CEP83: variants seen among roughly 807,000 people sequenced by gnomAD.
CEP83 encodes centrosomal protein 83, also known as centrosomal protein of 83 kDa.
In CEP83, 70 loss-of-function variants were observed where a neutral mutation model predicts 101.9. The observed-to-expected ratio is 0.69, with a 90% CI of 0.57 to 0.84. CEP83 has a LOEUF of 0.84. Among genes scored for constraint, CEP83 ranks in the 40% least tolerant of loss-of-function variants. The probability of loss-of-function intolerance (pLI) is 0.00; values close to 1 mark genes in which losing one functional copy is unlikely to be tolerated. For synonymous variants in CEP83, 264 were observed against 267.9 expected, an observed-to-expected ratio of 0.99 and a Z score of 0.14; for missense variants, 715 against 787.2, an observed-to-expected ratio of 0.91 and a Z score of 1.10.
intron 4 of CEP83, among the ~76,000 whole-genome samples, chr12:94,406,281 C>T (rs1056163011): frequency 3.9e-5 from 6 of 151,988 alleles, no homozygotes; most frequent in Admixed American, 3.9e-4. Flanking sequence ...GCTGAGATCA[C>T]TCCATTGCAC....
the CEP83 span, among the ~76,000 whole-genome samples, chr12:94,297,972 CTTT>C: frequency 6.6e-6 from 1 of 151,988 alleles, no homozygotes; most frequent in African/African-American, 2.4e-5. Context: ...CTGTGGTGAT[CTTT>C]TTTTTCCTCC....
At chr12:94,340,621 G>T (rs1290420401) in intron 11 of CEP83, among the ~76,000 whole-genome samples, 1 of 152,136 alleles carries the variant, frequency 6.6e-6, no homozygotes, top group Admixed American at 6.5e-5. Flanking sequence ...ATTTTCAGTA[G>T]AGATGGGGTT....
At chr12:94,283,556 G>A in the CEP83 span, among the ~76,000 whole-genome samples, 37 of 152,192 alleles carry the variant, frequency 2.4e-4, no homozygotes, top group African/African-American at 8.7e-4. Context: ...ACGGGAGACG[G>A]GAGTTTTATT....
intron 6 of CEP83, among the ~76,000 whole-genome samples, chr12:94,394,016 G>A (rs1359190269): frequency 6.6e-6 from 1 of 152,164 alleles, no homozygotes; most frequent in Non-Finnish European, 1.5e-5. Flanking sequence ...TTATGGATAG[G>A]AAGAATCAAT....
intron 6 of CEP83, among the ~76,000 whole-genome samples, chr12:94,388,817 GTGA>G (rs1325373701): frequency 6.6e-6 from 1 of 152,088 alleles, no homozygotes; most frequent in Non-Finnish European, 1.5e-5. Flanking sequence ...CAAGAGTATA[GTGA>G]TTTTGCTAAA....
At position 94,309,161 on chromosome 12, in the gene CEP83, A is replaced by T. The variant is rs61927167; in HGVS notation, c.2002-244T>A. Among the ~76,000 whole-genome samples, 9,308 of 152,250 alleles carry T rather than the reference A, an allele frequency of 0.061. 333 individuals carry two copies. Among genetic ancestry groups the T allele is most frequent in the South Asian group, 0.077 (370 of 4,834 alleles). On this transcript the variant is annotated intron_variant, in intron 16 of 16. Coordinates refer to ENST00000397809, the MANE Select transcript of CEP83 (RefSeq NM_016122.3). The stretch of plus-strand genomic sequence containing the variant: ...TCTCTAGGTATAAAATTCACCAGGG[A>T]GTGAATTAGAAAATACTAATGCAGG...
intron 2 of CEP83, among the ~76,000 whole-genome samples, chr12:94,422,851 T>C (rs1034596401): frequency 6.6e-6 from 1 of 152,254 alleles, no homozygotes; most frequent in East Asian, 1.9e-4. Flanking sequence ...TTATCCATTC[T>C]CCTGCTGATG....
At position 94,437,360 on chromosome 12, in the gene CEP83, CACAA is replaced by C. The variant is rs564929374; in HGVS notation, c.-154-2037_-154-2034del. Among the ~76,000 whole-genome samples the C allele has an allele frequency of 5.3e-3, 809 of 152,106 alleles. 4 individuals carry two copies. The highest frequency in any genetic ancestry group is 0.01 in the Middle Eastern group (3 of 294). The stretch of plus-strand genomic sequence containing the variant: ...ACTTGGTCTAAAACACATACACACA[CACAA>C]ACAAATACAAGAAGCTCAAAGAACA... On this transcript the variant is annotated intron_variant, in intron 1 of 16. Transcript: ENST00000397809.
the CEP83 span, among the ~76,000 whole-genome samples, chr12:94,291,081 G>A: frequency 3.4e-4 from 52 of 152,344 alleles, no homozygotes; most frequent in African/African-American, 1.1e-3. Flanking sequence ...GGGTGTGGGG[G>A]AGGGGCACTG....
intron 2 of CEP83, chr12:94,424,564 T>G: frequency 6.2e-7 from 1 of 1,613,528 alleles, no homozygotes; most frequent in Non-Finnish European, 8.5e-7. Context: ...TGTATAAATT[T>G]GTGGGGTCCT....
At chr12:94,327,014 G>A (rs1285689938) in intron 14 of CEP83, among the ~76,000 whole-genome samples, 1 of 148,956 alleles carries the variant, frequency 6.7e-6, no homozygotes, top group Admixed American at 6.7e-5. Flanking sequence ...TGGAGATAAG[G>A]CAGACCTCAG....
At chr12:94,410,466 T>C (rs1292697672) in intron 4 of CEP83, among the ~76,000 whole-genome samples, 1 of 152,200 alleles carries the variant, frequency 6.6e-6, no homozygotes, top group Non-Finnish European at 1.5e-5. Context: ...TTTTTATCTT[T>C]AGTGATACTC....
chr12:94,285,212 CT>C, the CEP83 span, among the ~76,000 whole-genome samples: 1 of 152,104 alleles, frequency 6.6e-6, no homozygotes, highest in African/African-American at 2.4e-5. Context: ...TAGGGACCCC[CT>C]GTTTTTCATG....
chr12:94,430,428 TA>T (rs968346948), intron 2 of CEP83, among the ~76,000 whole-genome samples: 3 of 149,880 alleles, frequency 2.0e-5, no homozygotes, highest in South Asian at 4.2e-4. Flanking sequence ...TAGGTATCAT[TA>T]AAAAAAAAGA....
rs948909587 is a variant in CEP83, at chr12:94,368,070, A to C, written c.1180T>G (p.Leu394Val). The change falls in exon 10 of 17, where the codon TTA (leucine) becomes GTA (valine). Residue 394 changes from leucine (L) to valine (V), a missense_variant. Transcript: ENST00000397809. ...KEEGYQKLVVLQDEKLELENR... is the reference protein window; with the variant it reads ...KEEGYQKLVVVQDEKLELENR... ...TTAAGTACTTACTTTTCATCTTGTA[A>C]TACCACAAGTTTTTGATAACCTTCT... 9 of 1,612,712 alleles carry C rather than the reference A, an allele frequency of 5.6e-6. No homozygotes were observed. The highest frequency in any genetic ancestry group is 7.6e-6 in the Non-Finnish European group (9 of 1,179,476).
the CEP83 span, among the ~76,000 whole-genome samples, chr12:94,267,266 AGAG>A: frequency 2.0e-5 from 3 of 152,244 alleles, no homozygotes; most frequent in East Asian, 5.8e-4. Flanking sequence ...GGAATCAGGA[AGAG>A]GTCAGATGTC....
At chr12:94,435,378 G>C (rs933747984) in intron 1 of CEP83, 51 bp from the exon 2 acceptor site, 3 of 152,170 alleles carry the variant, frequency 2.0e-5, no homozygotes, top group South Asian at 2.1e-4. Flanking sequence ...GACTTACTAA[G>C]TTTCCCCCAG....
chr12:94,433,929 T>TG (rs536169001), intron 2 of CEP83: 2 of 152,256 alleles, frequency 1.3e-5, no homozygotes, highest in African/African-American at 2.4e-5. Flanking sequence ...TGAGGAATCC[T>TG]GTACACTGAC....
the CEP83 span, among the ~76,000 whole-genome samples, chr12:94,295,766 C>A: frequency 1.3e-5 from 2 of 152,134 alleles, no homozygotes; most frequent in Non-Finnish European, 2.9e-5. Context: ...CCAACTTGAC[C>A]AGGGCCCTCC....
Sources: allele counts gnomAD v4.1 joint callset (sites outside exome capture counted in the v4.1 genomes callset), GRCh38; gene constraint gnomAD v4.1.1; transcripts MANE v1.5; gene names NCBI Gene and HGNC (gene_info 2026-07-23, HGNC 2026-07-21).